Variants in AOPEP observed in about 807,000 individuals in gnomAD.
AOPEP encodes aminopeptidase O (putative), also known as aminopeptidase O.
Under a neutral mutation model 98.1 loss-of-function variants are expected in AOPEP, and 77 were observed. The observed-to-expected ratio is 0.78, with a 90% CI of 0.65 to 0.95. The LOEUF is 0.95. Among genes scored for constraint, AOPEP ranks in the 40% least tolerant of loss-of-function variants. The pLI, the probability that AOPEP is intolerant of heterozygous loss-of-function variation, is 0.00. For synonymous variants in AOPEP, 346 were observed against 365.3 expected, an observed-to-expected ratio of 0.95 and a Z score of 0.60; for missense variants, 1,024 against 1,024.7, an observed-to-expected ratio of 1.00 and a Z score of 0.01.
At chr9:95,032,552 G>A (rs2064409721) in intron 13 of AOPEP, among the ~76,000 whole-genome samples, 1 of 152,226 alleles carries the variant, frequency 6.6e-6, no homozygotes, top group African/African-American at 2.4e-5. Context: ...CTACCAGAGG[G>A]TCCTTCACCT....
intron 11 of AOPEP, chr9:95,004,379 G>A: frequency 2.3e-6 from 1 of 430,880 alleles, no homozygotes; most frequent in East Asian, 7.4e-5. Flanking sequence ...GGCAGTCTGA[G>A]GGCTGCGGGT....
At chr9:94,850,107 C>G (rs115516451) in intron 5 of AOPEP, among the ~76,000 whole-genome samples, 3 of 151,836 alleles carry the variant, frequency 2.0e-5, no homozygotes, top group African/African-American at 2.4e-5. Flanking sequence ...CGAGAATGCT[C>G]ACTTGCCTGA....
chr9:94,960,182 C>A (rs1056728532), intron 9 of AOPEP, among the ~76,000 whole-genome samples: 1 of 151,724 alleles, frequency 6.6e-6, no homozygotes, highest in South Asian at 2.1e-4. Flanking sequence ...GAGGCTGAGG[C>A]GGGTGGATCA....
At chr9:94,775,950 G>C (rs1389403848) in intron 3 of AOPEP, among the ~76,000 whole-genome samples, 3 of 151,950 alleles carry the variant, frequency 2.0e-5, no homozygotes, top group African/African-American at 7.3e-5. Flanking sequence ...CTGCACTCCA[G>C]CCTGGGTGAC....
At chr9:94,918,343 C>T (rs148431120) in intron 5 of AOPEP, among the ~76,000 whole-genome samples, 1 of 152,306 alleles carries the variant, frequency 6.6e-6, no homozygotes, top group East Asian at 1.9e-4. Context: ...GCCTGCTCAC[C>T]TTGGGCCAGT....
At chr9:94,793,808 G>C (rs370054219) in intron 4 of AOPEP, among the ~76,000 whole-genome samples, 39 of 152,344 alleles carry the variant, frequency 2.6e-4, no homozygotes, top group African/African-American at 9.4e-4. Flanking sequence ...ATATTTATAT[G>C]TGTTTGGCTA....
At chr9:94,860,407 G>A (rs185098455) in intron 5 of AOPEP, among the ~76,000 whole-genome samples, 2 of 152,204 alleles carry the variant, frequency 1.3e-5, no homozygotes, top group East Asian at 3.9e-4. Context: ...GGGTGGGGAC[G>A]GGGTGGGCAG....
At chr9:94,823,206 G>A (rs1853666125) in intron 5 of AOPEP, among the ~76,000 whole-genome samples, 1 of 152,140 alleles carries the variant, frequency 6.6e-6, no homozygotes, top group African/African-American at 2.4e-5. Flanking sequence ...GTGTTGGTCA[G>A]TCTGGTCTTC....
chr9:95,148,090 C>T, the AOPEP span, among the ~76,000 whole-genome samples: 1 of 152,130 alleles, frequency 6.6e-6, no homozygotes, highest in Non-Finnish European at 1.5e-5. Flanking sequence ...ACAGCCCTCA[C>T]GCTACTCTTC....
At chr9:94,782,546 A>G (rs529907759) in intron 3 of AOPEP, among the ~76,000 whole-genome samples, 65 of 152,214 alleles carry the variant, frequency 4.3e-4, no homozygotes, top group Non-Finnish European at 7.5e-4. Flanking sequence ...CTGAAAGCCA[A>G]CTTTTCAAAT....
intron 5 of AOPEP, among the ~76,000 whole-genome samples, chr9:94,816,594 C>T (rs1429766627): frequency 6.6e-6 from 1 of 152,052 alleles, no homozygotes; most frequent in Non-Finnish European, 1.5e-5. Context: ...GGGCTCTGTT[C>T]CTTCAGTAGG....
At chr9:95,008,438 A>G (rs2062209917) in intron 13 of AOPEP, among the ~76,000 whole-genome samples, 1 of 152,338 alleles carries the variant, frequency 6.6e-6, no homozygotes, top group Non-Finnish European at 1.5e-5. Context: ...GCGCTGAGCA[A>G]GGAGCTACAC....
chr9:95,072,069 G>A (rs2068570835), intron 14 of AOPEP, among the ~76,000 whole-genome samples: 1 of 152,192 alleles, frequency 6.6e-6, no homozygotes, highest in Admixed American at 6.5e-5. Context: ...GATGTTGGGG[G>A]ATGAACACCA....
At chr9:94,842,816 CATT>C (rs1182119387) in intron 5 of AOPEP, among the ~76,000 whole-genome samples, 6 of 151,994 alleles carry the variant, frequency 3.9e-5, no homozygotes, top group Non-Finnish European at 8.8e-5. Flanking sequence ...AAAATAAAAA[CATT>C]ATGTTTTTTC....
chr9:94,808,735 A>T (rs1373991913), intron 5 of AOPEP, among the ~76,000 whole-genome samples: 1 of 152,246 alleles, frequency 6.6e-6, no homozygotes, highest in Non-Finnish European at 1.5e-5. Flanking sequence ...AGTGTGAATG[A>T]TATTTGGGTT....
At chr9:94,875,907 C>T (rs1306565827) in intron 5 of AOPEP, among the ~76,000 whole-genome samples, 5 of 152,160 alleles carry the variant, frequency 3.3e-5, no homozygotes, top group African/African-American at 1.2e-4. Flanking sequence ...TGAAGTGAGA[C>T]CATTCAACAC....
chr9:95,082,060 G>A (rs2069858614), intron 15 of AOPEP, among the ~76,000 whole-genome samples: 1 of 152,056 alleles, frequency 6.6e-6, no homozygotes, highest in Non-Finnish European at 1.5e-5. Context: ...GCGCAGGCGG[G>A]GTGGGCGTCT....
the AOPEP span, among the ~76,000 whole-genome samples, chr9:95,109,376 G>A: frequency 6.6e-6 from 1 of 152,156 alleles, no homozygotes; most frequent in African/African-American, 2.4e-5. Flanking sequence ...GCCTTTGCAT[G>A]GATCTCTATT....
Position 94,879,854 on chromosome 9 carries a change from A to G in AOPEP, c.1365-44132A>G, listed in dbSNP as rs1418385030. Among the ~76,000 whole-genome samples the G allele has an allele frequency of 3.3e-5, 5 of 152,150 alleles. No homozygotes were observed. The South Asian group carries it at 1.0e-3, about 31-fold the overall frequency. On this transcript the variant is annotated intron_variant, in intron 5 of 16. Transcript: ENST00000375315. ...AACATATACCTCACCAATTTTTTTTATAATTTGGATCATTTTGTGTGTTCC... is the reference window on the plus strand; with the variant it reads ...AACATATACCTCACCAATTTTTTTTGTAATTTGGATCATTTTGTGTGTTCC...
Sources: allele counts gnomAD v4.1 joint callset (sites outside exome capture counted in the v4.1 genomes callset), GRCh38; gene constraint gnomAD v4.1.1; transcripts MANE v1.5; gene names NCBI Gene and HGNC (gene_info 2026-07-23, HGNC 2026-07-21).